Variants in TTLL7 observed in about 807,000 individuals in gnomAD.
The protein encoded by TTLL7 is tubulin tyrosine ligase like 7.
In TTLL7, 53 loss-of-function variants were observed where a neutral mutation model predicts 120.2. The ratio of observed to expected loss-of-function variants is 0.44; its 90% CI spans 0.35 to 0.55. TTLL7 has a LOEUF of 0.55. Ranked by LOEUF, TTLL7 falls within the 20% of genes least tolerant of loss-of-function variation. The probability of loss-of-function intolerance (pLI) is 0.00; values close to 1 mark genes in which losing one functional copy is unlikely to be tolerated. For synonymous variants in TTLL7, 353 were observed against 351.7 expected (o/e 1.00, Z -0.04); for missense variants, 803 against 1,054.7 (o/e 0.76, Z 3.31).
rs1246789021 is a variant in TTLL7 at position 83,892,955 on chromosome 1, G to GAAAGAAAGAA, written c.2209-2475_2209-2474insTTCTTTCTTT. ...GAAAGAAAGAAAGAAAGAAAGAAAA[G>GAAAGAAAGAA]AATAAAAGAAAGAAAGAGAAAAAAG... On this transcript the variant is annotated intron_variant, in intron 18 of 20. Transcript: ENST00000260505. Among the ~76,000 whole-genome samples, 156 of 79,006 alleles carry GAAAGAAAGAA rather than the reference G, an allele frequency of 2.0e-3. 5 individuals carry two copies. Among genetic ancestry groups the GAAAGAAAGAA allele is most frequent in the African/African-American group, 6.1e-3 (144 of 23,772 alleles). 51.8% of individuals were successfully genotyped at this position (79,006 alleles called of 152,430 possible).
At chr1:83,973,357 T>C (rs753123892) in intron 1 of TTLL7, among the ~76,000 whole-genome samples, 8 of 152,112 alleles carry the variant, frequency 5.3e-5, no homozygotes, top group African/African-American at 7.2e-5. Context: ...CTTTGCATCA[T>C]TGTCAAAGAT....
intron 1 of TTLL7, among the ~76,000 whole-genome samples, chr1:83,998,660 GC>G (rs1557839166): frequency 6.6e-6 from 1 of 151,202 alleles, no homozygotes; most frequent in Non-Finnish European, 1.5e-5. Flanking sequence ...CCCATCTGGA[GC>G]CTAAAAACTG....
chr1:83,961,304 C>G (rs887502733), intron 1 of TTLL7, among the ~76,000 whole-genome samples: 4 of 151,954 alleles, frequency 2.6e-5, no homozygotes, highest in African/African-American at 9.7e-5. Flanking sequence ...TTTTCAAATC[C>G]CTCTAAATTA....
intron 1 of TTLL7, among the ~76,000 whole-genome samples, chr1:83,977,435 G>C (rs1231427533): frequency 6.6e-6 from 1 of 150,712 alleles, no homozygotes; most frequent in Admixed American, 6.6e-5. Context: ...TTAAAACATG[G>C]AGGAAAAAAA....
At chr1:83,947,034 G>A (rs922566444) in intron 6 of TTLL7, 90 bp downstream of exon 6, 1 of 972,996 alleles carries the variant, frequency 1.0e-6, no homozygotes, top group Admixed American at 3.0e-5. Flanking sequence ...TTTCATATTG[G>A]TACTCACGCA....
intron 14 of TTLL7, among the ~76,000 whole-genome samples, chr1:83,916,274 A>C (rs568320637): frequency 6.6e-6 from 1 of 152,330 alleles, no homozygotes; most frequent in East Asian, 1.9e-4. Flanking sequence ...GGATTAAGAA[A>C]ATGTGGCACA....
chr1:83,993,007 A>G (rs1255594409), intron 1 of TTLL7, among the ~76,000 whole-genome samples: 1 of 152,112 alleles, frequency 6.6e-6, no homozygotes, highest in Non-Finnish European at 1.5e-5. Context: ...TAGATTTTTC[A>G]ATAATAGTAA....
At chr1:83,926,818 T>C (rs557211213) in intron 10 of TTLL7, among the ~76,000 whole-genome samples, 1 of 152,328 alleles carries the variant, frequency 6.6e-6, no homozygotes, top group South Asian at 2.1e-4. Context: ...ATGTCTTTTC[T>C]AGGTTCTATT....
chr1:83,990,167 CTTTTT>C (rs35374044), intron 1 of TTLL7, among the ~76,000 whole-genome samples: 1 of 116,936 alleles, frequency 8.6e-6, no homozygotes, highest in Non-Finnish European at 1.7e-5. Flanking sequence ...ATTTGGATGC[CTTTTT>C]TTTTTTTTTT....
In TTLL7 at chr1:83,875,032, G is replaced by C. The variant is rs1653803606; in HGVS notation, c.2544-4950C>G. On this transcript the variant is annotated intron_variant, in intron 20 of 20. Transcript: ENST00000260505. ...TAAACCTTTAAATTATAAAGTATAA[G>C]GTATTTTAAAAAGTACATAAAACAT... Among the ~76,000 whole-genome samples, 3 of 151,426 alleles carry C rather than the reference G, an allele frequency of 2.0e-5. No individual in the cohort carries two copies. The South Asian group carries it at 6.2e-4, about 31-fold the overall frequency.
At chr1:83,949,745 A>G in intron 4 of TTLL7, 120 bp downstream of exon 4, 2 of 1,101,406 alleles carry the variant, frequency 1.8e-6, no homozygotes, top group Non-Finnish European at 2.6e-6. Flanking sequence ...AAAACAGGCT[A>G]TTCAGGTGAG....
At chr1:83,900,192 C>G (rs1432256847) in intron 18 of TTLL7, 1 of 443,170 alleles carries the variant, frequency 2.3e-6, no homozygotes, top group Non-Finnish European at 4.5e-6. Flanking sequence ...ACATCACTAA[C>G]TAGTAAGGAA....
At chr1:83,879,829 C>G (rs748253595) in intron 20 of TTLL7, 1 of 151,884 alleles carries the variant, frequency 6.6e-6, no homozygotes, top group East Asian at 1.9e-4. Flanking sequence ...ATTCCGTGGT[C>G]GGAAATCTCT....
intron 18 of TTLL7, among the ~76,000 whole-genome samples, chr1:83,892,230 A>G (rs552702845): frequency 1.4e-5 from 2 of 141,454 alleles, no homozygotes; most frequent in East Asian, 2.0e-4. Flanking sequence ...ATATATGTGT[A>G]TATATATGAA....
chr1:83,984,893 A>G (rs1173101720), intron 1 of TTLL7, among the ~76,000 whole-genome samples: 1 of 152,204 alleles, frequency 6.6e-6, no homozygotes, highest in Non-Finnish European at 1.5e-5. Flanking sequence ...TACCCAGGTA[A>G]CAAAACTGCA....
At chr1:83,988,224 T>C (rs922004055) in intron 1 of TTLL7, among the ~76,000 whole-genome samples, 5 of 152,240 alleles carry the variant, frequency 3.3e-5, no homozygotes, top group African/African-American at 1.2e-4. Context: ...ATTCTTTTTA[T>C]GGCTGCGTAG....
At chr1:83,986,241 G>A (rs1652425254) in intron 1 of TTLL7, among the ~76,000 whole-genome samples, 1 of 152,170 alleles carries the variant, frequency 6.6e-6, no homozygotes, top group Non-Finnish European at 1.5e-5. Context: ...GTGTGTGTAT[G>A]TATAATATAT....
intron 14 of TTLL7, chr1:83,912,622 T>A (rs1657774961): frequency 6.6e-6 from 1 of 152,078 alleles, no homozygotes; most frequent in African/African-American, 2.4e-5. Flanking sequence ...AGAATAAAAA[T>A]AAAGACAGAA....
At chr1:83,924,523 T>G (rs1658948795) in intron 10 of TTLL7, among the ~76,000 whole-genome samples, 1 of 152,214 alleles carries the variant, frequency 6.6e-6, no homozygotes, top group East Asian at 1.9e-4. Context: ...GACACTCAAA[T>G]TCATAGAGAC....
Sources: allele counts gnomAD v4.1 joint callset (sites outside exome capture counted in the v4.1 genomes callset), GRCh38; gene constraint gnomAD v4.1.1; transcripts MANE v1.5; gene names NCBI Gene and HGNC (gene_info 2026-07-23, HGNC 2026-07-21).